NRXN2: variants seen among roughly 807,000 people sequenced by gnomAD.
NRXN2 encodes the protein neurexin-2-beta.
Under a neutral mutation model 128.8 loss-of-function variants are expected in NRXN2, and 29 were observed. That is an observed-to-expected ratio of 0.23 (90% CI 0.17 to 0.31). The LOEUF (loss-of-function observed/expected upper bound fraction) is 0.31. Among genes scored for constraint, NRXN2 ranks in the 10% least tolerant of loss-of-function variants. The pLI is 1.00. For missense variants in NRXN2, 1,881 were observed against 2,452.6 expected, an observed-to-expected ratio of 0.77 and a Z score of 4.92; for synonymous variants, 1,098 against 1,075.2, an observed-to-expected ratio of 1.02 and a Z score of -0.41.
In NRXN2 at chr11:64,619,629, C is replaced by G. The variant is rs549425525; in HGVS notation, c.4252+665G>C. On this transcript the variant is annotated intron_variant, in intron 22 of 22. Coordinates refer to ENST00000265459, the MANE Select transcript of NRXN2 (RefSeq NM_015080.4). ...TGCTCTCCTCCTACAGCAGCTCCCC[C>G]ACTAGAATCTGGGCCAGACCTCAGG... Among the ~76,000 whole-genome samples the G allele has an allele frequency of 6.6e-5, 10 of 152,288 alleles. No homozygotes were observed. In the South Asian group the frequency reaches 1.5e-3, roughly 22 times the overall value.
chr11:64,676,694 C>A, intron 7 of NRXN2: 1 of 517,128 alleles, frequency 1.9e-6, no homozygotes. Context: ...TGGGGCCTGC[C>A]CCCAGGTCTC....
At chr11:64,721,401 C>T (rs1285158786) in intron 1 of NRXN2, among the ~76,000 whole-genome samples, 1 of 152,006 alleles carries the variant, frequency 6.6e-6, no homozygotes, top group African/African-American at 2.4e-5. Flanking sequence ...GTCCATCCCG[C>T]CCACCCCTGT....
At chr11:64,722,284 T>C (rs1205857014) in intron 1 of NRXN2, among the ~76,000 whole-genome samples, 3 of 104,004 alleles carry the variant, frequency 2.9e-5, no homozygotes, top group African/African-American at 3.9e-5. Context: ...CCAGTCTCCC[T>C]GTCTCATCAC....
intron 22 of NRXN2, among the ~76,000 whole-genome samples, chr11:64,615,816 A>C (rs532370268): frequency 1.4e-4 from 21 of 150,190 alleles, no homozygotes; most frequent in Admixed American, 4.0e-4. Context: ...GTGTGGGCTA[A>C]TGTAGGCCCA....
At position 64,686,587 on chromosome 11, in the gene NRXN2, C is replaced by T. The variant is rs144809919; in HGVS notation, c.851-640G>A. 3.4e-3 allele frequency among the ~76,000 whole-genome samples: 511 copies of T among 152,280 alleles called. 3 individuals are homozygous for T. Among genetic ancestry groups the T allele is most frequent in the African/African-American group, 0.012 (481 of 41,556 alleles). ...CGATGCAGGTGACAGGGATATGCAC[C>T]GGATAGCAACAGGCCACCAGGCAGA... On this transcript the variant is annotated intron_variant, in intron 5 of 22. Coordinates refer to ENST00000265459, the MANE Select transcript of NRXN2 (RefSeq NM_015080.4).
intron 2 of NRXN2, among the ~76,000 whole-genome samples, chr11:64,706,122 T>A (rs780048972): frequency 1.3e-3 from 2 of 1,504 alleles, no homozygotes; most frequent in Non-Finnish European, 2.7e-3. Context: ...ATATATATAA[T>A]ATATATAATA....
At position 64,648,303 on chromosome 11, in the gene NRXN2, T is replaced by A. The variant is rs2046996010; in HGVS notation, c.3319A>T (p.Asn1107Tyr). ...CACTGCTGCAAGCAGACGCCCTGGT[T>A]GGCACAGGACTCTTCAGTGCAGGTG... ...STTCTEESCANQGVCLQQWDG... is the reference protein window; with the variant it reads ...STTCTEESCAYQGVCLQQWDG... Residue 1107 changes from asparagine to tyrosine, a missense_variant, in exon 17 of 23, where the codon AAC (asparagine) becomes TAC (tyrosine). Asn to Tyr is a moderately radical substitution (Grantham distance 143). Coordinates refer to ENST00000265459, the MANE Select transcript of NRXN2 (RefSeq NM_015080.4). The surrounding 1 kb of genome is among the most constrained non-coding windows in gnomAD (Gnocchi z 4.1). 2 of 1,614,090 alleles carry A rather than the reference T, an allele frequency of 1.2e-6. No homozygotes were observed. Among genetic ancestry groups the A allele is most frequent in the Admixed American group, 3.3e-5 (2 of 60,016 alleles).
chr11:64,647,587 C>A (rs1223224376), intron 17 of NRXN2, among the ~76,000 whole-genome samples: 1 of 152,092 alleles, frequency 6.6e-6, no homozygotes, highest in African/African-American at 2.4e-5. Context: ...GGAAAAGAAC[C>A]AAGCGAAGAC....
chr11:64,687,602 G>A (rs373688689), intron 5 of NRXN2, among the ~76,000 whole-genome samples: 6 of 152,208 alleles, frequency 3.9e-5, no homozygotes, highest in Admixed American at 2.0e-4. Context: ...GAAAGCAAAA[G>A]TGAGGACCCC....
chr11:64,620,624 T>C (rs982154687), intron 21 of NRXN2, among the ~76,000 whole-genome samples: 2 of 151,052 alleles, frequency 1.3e-5, no homozygotes, highest in African/African-American at 4.9e-5. Flanking sequence ...ACAGCACACA[T>C]GGTGCTTTTT....
At chr11:64,612,635 G>A (rs2040854390) in intron 22 of NRXN2, among the ~76,000 whole-genome samples, 1 of 152,208 alleles carries the variant, frequency 6.6e-6, no homozygotes, top group African/African-American at 2.4e-5. Flanking sequence ...GCCCCCTTCT[G>A]CCCTTAGGGC....
chr11:64,650,355 C>T (rs751407506), intron 15 of NRXN2, 93 bp downstream of exon 15: 31 of 1,332,084 alleles, frequency 2.3e-5, no homozygotes, highest in Non-Finnish European at 3.0e-5. Context: ...GGCAGGGAAC[C>T]GAGGGAAGCA....
chr11:64,677,413 T>C (rs532147607), intron 6 of NRXN2, among the ~76,000 whole-genome samples: 59 of 151,152 alleles, frequency 3.9e-4, no homozygotes, highest in Non-Finnish European at 3.1e-4. Context: ...CCTTGGTTAG[T>C]AGAGAAGAAA....
At chr11:64,678,918 C>T (rs918595498) in intron 6 of NRXN2, among the ~76,000 whole-genome samples, 1 of 152,266 alleles carries the variant, frequency 6.6e-6, no homozygotes, top group South Asian at 2.1e-4. Flanking sequence ...TTAAAAATAA[C>T]AGAATTCAAT....
intron 9 of NRXN2, among the ~76,000 whole-genome samples, chr11:64,661,584 T>A (rs888358210): frequency 1.3e-5 from 2 of 151,772 alleles, no homozygotes; most frequent in African/African-American, 2.4e-5. Context: ...TCCAAAGGAG[T>A]TTTTTCCCCC....
intron 22 of NRXN2, among the ~76,000 whole-genome samples, chr11:64,610,822 A>G (rs2040516541): frequency 1.3e-5 from 2 of 152,240 alleles, no homozygotes; most frequent in African/African-American, 4.8e-5. Context: ...CCTGGGCCCA[A>G]TCATGGCAGG....
chr11:64,666,168 C>T (rs549882538), intron 9 of NRXN2, among the ~76,000 whole-genome samples: 174 of 152,092 alleles, frequency 1.1e-3, no homozygotes, highest in Non-Finnish European at 1.7e-3. Flanking sequence ...CACCATCTGG[C>T]ACACAGTGGG....
intron 19 of NRXN2, among the ~76,000 whole-genome samples, chr11:64,628,719 G>A (rs941757667): frequency 6.6e-6 from 1 of 152,196 alleles, no homozygotes; most frequent in Non-Finnish European, 1.5e-5. Flanking sequence ...TGTGTGCATC[G>A]GAGAATGAGA....
In NRXN2 at chr11:64,648,870, G is replaced by A. The variant is rs1397185934; in HGVS notation, c.3147C>T (p.Phe1049=). The change falls in exon 16 of 23, where the codon TTC becomes TTT. Residue 1049 remains phenylalanine (F), a synonymous_variant. Coordinates refer to ENST00000265459, the MANE Select transcript of NRXN2 (RefSeq NM_015080.4). This position sits in a 1 kb window ranked among gnomAD's most constrained non-coding sequence, Gnocchi z 4.1. ...AGGCCACCAGCTTGGGCAGGTTGCT[G>A]AACATATTCTTGCTCAGACCGCCAA... ...LYIGGLSKNM[F]SNLPKLVASR... 6.2e-7 allele frequency: 1 copy of A among 1,614,188 alleles called. No homozygotes were observed. Among genetic ancestry groups the A allele is most frequent in the Admixed American group, 1.7e-5 (1 of 60,032 alleles).
Sources: allele counts gnomAD v4.1 joint callset (sites outside exome capture counted in the v4.1 genomes callset), GRCh38; gene constraint gnomAD v4.1.1; non-coding constraint Gnocchi (gnomAD v3.1); transcripts MANE v1.5; gene names NCBI Gene and HGNC (gene_info 2026-07-23, HGNC 2026-07-21).